RACK1: variants seen among roughly 807,000 people sequenced by gnomAD.
The protein encoded by RACK1 is small ribosomal subunit protein RACK1.
RACK1 carries 3 observed loss-of-function variants against 42.2 expected under a neutral mutation model. The ratio of observed to expected loss-of-function variants is 0.07; its 90% CI spans 0.03 to 0.18. The LOEUF is 0.18. RACK1 is among the 10% of genes least tolerant of loss of function. RACK1 has a pLI of 1.00. For missense variants in RACK1, 146 were observed against 403.2 expected, an observed-to-expected ratio of 0.36 and a Z score of 5.46; for synonymous variants, 181 against 154.8, an observed-to-expected ratio of 1.17 and a Z score of -1.25.
At chr5:181,238,902 T>C (rs1375008637) in intron 5 of RACK1, 165 bp downstream of exon 5, 1 of 706,738 alleles carries the variant, frequency 1.4e-6, no homozygotes, top group Non-Finnish European at 2.6e-6. Flanking sequence ...AACTGTCATT[T>C]GCTGAAAGTA....
chr5:181,243,586 A>G (rs1346923754), intron 1 of RACK1, 106 bp downstream of exon 1: 1 of 1,449,688 alleles, frequency 6.9e-7, no homozygotes, highest in Non-Finnish European at 9.3e-7. Context: ...GTCCCCGCCA[A>G]CTCGCGCGCC....
At position 181,241,935 on chromosome 5, in the gene RACK1, C is replaced by A. The variant is rs1554104743; in HGVS notation, c.281+239G>T. ...AATTACCTGAGCTTTCAAGGTAAAA[C>A]ATGTTCAAACTGCTGCCCACTCAGA... On this transcript the variant is annotated intron_variant, in intron 2 of 7. Coordinates refer to ENST00000512805, the MANE Select transcript of RACK1 (RefSeq NM_006098.5). The A allele has an allele frequency of 7.8e-6, 6 of 767,320 alleles. No homozygotes were observed. In the South Asian group the frequency reaches 8.1e-5, roughly 10 times the overall value. 47.5% of individuals were successfully genotyped at this position (767,320 alleles called of 1,614,324 possible). A position where few individuals can be genotyped will look rare whatever the true frequency, so the allele number is the denominator to read the frequency against.
At chr5:181,241,789 G>GA (rs762432305) in intron 2 of RACK1, 150 bp from the exon 3 acceptor site, 23 of 867,752 alleles carry the variant, frequency 2.7e-5, no homozygotes, top group South Asian at 1.7e-4. Context: ...CTGAGTATAT[G>GA]AAAGAGAAGA....
At position 181,237,666 on chromosome 5, in the gene RACK1, G is replaced by A. The variant is rs1759191760; in HGVS notation, c.831C>T (p.Thr277=). 6.2e-7 allele frequency: 1 copy of A among 1,613,072 alleles called. No individual in the cohort carries two copies. Among genetic ancestry groups the A allele is most frequent in the Non-Finnish European group, 8.5e-7 (1 of 1,179,022 alleles). ...ACTGGGGTGGTTCTGCCTTGCTGCTGGTACTGATAACTTCTTGCTTCAGTT... is the reference window on the plus strand; with the variant it reads ...ACTGGGGTGGTTCTGCCTTGCTGCTAGTACTGATAACTTCTTGCTTCAGTT... The part of the protein sequence containing the change: ...VDELKQEVIS[T]SSKAEPPQCT... The change falls in exon 7 of 8, where the codon ACC becomes ACT. Residue 277 remains threonine, a synonymous_variant. Coordinates refer to ENST00000512805, the MANE Select transcript of RACK1 (RefSeq NM_006098.5).
chr5:181,238,813 AAAC>A, intron 5 of RACK1: 2 of 454,448 alleles, frequency 4.4e-6, no homozygotes, highest in Non-Finnish European at 3.9e-6. Flanking sequence ...AAAAAACAAA[AAAC>A]AAACAAACAA....
Position 181,243,903 on chromosome 5 carries a change from A to G in RACK1, c.-103T>C. 1 of 1,449,814 alleles carries G rather than the reference A, an allele frequency of 6.9e-7. No homozygotes were observed. Among genetic ancestry groups the G allele is most frequent in the African/African-American group, 1.4e-5 (1 of 69,628 alleles). The allele number at this position is 1,449,814 out of a possible 1,614,324, so 89.8% of individuals were successfully genotyped here. A position where few individuals can be genotyped will look rare whatever the true frequency, so the allele number is the denominator to read the frequency against. On this transcript the variant is annotated 5_prime_UTR_variant, in exon 1 of 8. Transcript: ENST00000512805. ...TCCTGCCGCCGCCTTGCAGTGAAAG[A>G]GAGAGAGAAAAGCCCCCCGCCGGAA... is the stretch of plus-strand genomic sequence containing the variant.
chr5:181,237,119 T>C (rs924278605), intron 7 of RACK1, 77 bp from the exon 8 acceptor site: 2 of 1,594,722 alleles, frequency 1.3e-6, no homozygotes, highest in Non-Finnish European at 1.7e-6. Flanking sequence ...CCAAGTGGCT[T>C]TTTTTGAGAT....
At chr5:181,238,440 C>A in intron 5 of RACK1, 1 of 553,222 alleles carries the variant, frequency 1.8e-6, no homozygotes, top group East Asian at 3.1e-5. Flanking sequence ...TCAAAAAACC[C>A]CTCCCAACTT....
chr5:181,238,843 A>G lies in RACK1; in HGVS notation c.636+224T>C, dbSNP rs78926976. ...AACAAACAAAAAAACAACAAAAAAA[A>G]CCCACAGGCTTATAGAAAATCATCT... On this transcript the variant is annotated intron_variant, in intron 5 of 7. Coordinates refer to ENST00000512805, the MANE Select transcript of RACK1 (RefSeq NM_006098.5). 4.1e-3 allele frequency: 2,304 copies of G among 555,250 alleles called. 38 individuals are homozygous for G. Among genetic ancestry groups the G allele is most frequent in the African/African-American group, 0.038 (1,997 of 52,308 alleles). The allele number at this position is 555,250 out of a possible 1,614,324, so 34.4% of individuals were successfully genotyped here.
chr5:181,237,910 A>G lies in RACK1; in HGVS notation c.777+189T>C, dbSNP rs999502515. On this transcript the variant is annotated intron_variant, in intron 6 of 7. Transcript: ENST00000512805. Reference sequence around the variant, plus strand: ...TACTGACATCTAGTAGAAGCTGGAAATGCTGCTAAACATCCTGGAATGTAC... The same window carrying G: ...TACTGACATCTAGTAGAAGCTGGAAGTGCTGCTAAACATCCTGGAATGTAC... 2.5e-5 allele frequency: 17 copies of G among 671,892 alleles called. No homozygotes were observed. The South Asian group carries it at 2.7e-4, about 11-fold the overall frequency. 41.6% of individuals were successfully genotyped at this position (671,892 alleles called of 1,614,324 possible). A position where few individuals can be genotyped will look rare whatever the true frequency, so the allele number is the denominator to read the frequency against.
At chr5:181,238,832 C>A (rs2893334) in intron 5 of RACK1, 23 of 385,792 alleles carry the variant, frequency 6.0e-5, no homozygotes, top group East Asian at 3.0e-4. Flanking sequence ...AACAAAAAAA[C>A]AACAAAAAAA....
chr5:181,243,477 T>C lies in RACK1; in HGVS notation c.109+215A>G, dbSNP rs1450011077. On this transcript the variant is annotated intron_variant, in intron 1 of 7. Coordinates refer to ENST00000512805, the MANE Select transcript of RACK1 (RefSeq NM_006098.5). The stretch of plus-strand genomic sequence containing the variant: ...AACCCTCCTAGCAGCTGCGAGCTGA[T>C]GTACACGTAGGTTCTCATCTGCAAT... The C allele has an allele frequency of 7.5e-6, 11 of 1,469,828 alleles. No individual in the cohort carries two copies. The Admixed American group carries it at 8.9e-5, about 12-fold the overall frequency. 91.0% of individuals were successfully genotyped at this position (1,469,828 alleles called of 1,614,324 possible).
At position 181,239,577 on chromosome 5, in the gene RACK1, C is replaced by T. The variant is rs1561679873; in HGVS notation, c.435G>A (p.Glu145=). The change falls in exon 4 of 8, where the codon GAG becomes GAA. Residue 145 remains glutamate, a synonymous_variant. Transcript: ENST00000512805. ...CACAAGACACCCACTCTGAGTGGCTCTCATCCTACAGAAGATGGAAAGGAA... is the reference window on the plus strand; with the variant it reads ...CACAAGACACCCACTCTGAGTGGCTTTCATCCTACAGAAGATGGAAAGGAA... ...LGVCKYTVQD[E]SHSEWVSCVR... is the part of the protein sequence containing the mutation. 2 of 1,609,576 alleles carry T rather than the reference C, an allele frequency of 1.2e-6. No individual in the cohort carries two copies. The highest frequency in any genetic ancestry group is 1.7e-5 in the Admixed American group (1 of 59,976).
chr5:181,239,744 A>C (rs988136560), intron 3 of RACK1, among the ~76,000 whole-genome samples, 162 bp from the exon 4 acceptor site: 4 of 152,216 alleles, frequency 2.6e-5, no homozygotes, highest in Non-Finnish European at 5.9e-5. Context: ...CCAGACAAGA[A>C]AATTTTTTAA....
chr5:181,238,736 T>C (rs1048128625), intron 5 of RACK1: 7 of 372,808 alleles, frequency 1.9e-5, no homozygotes, highest in Middle Eastern at 9.3e-4. Flanking sequence ...CGGGAGATGG[T>C]TGCAGTGAGC....
chr5:181,237,848 T>G (rs1759197918), intron 6 of RACK1, 129 bp from the exon 7 acceptor site: 1 of 674,336 alleles, frequency 1.5e-6, no homozygotes, highest in Admixed American at 2.5e-5. Flanking sequence ...AATGCCTACA[T>G]GCATTTTCAG....
intron 3 of RACK1, 85 bp downstream of exon 3, chr5:181,241,407 G>A: frequency 8.0e-7 from 1 of 1,248,976 alleles, no homozygotes; most frequent in Admixed American, 2.1e-5. Flanking sequence ...TCCAGCTTGG[G>A]CAAGAGTGAG....
At position 181,242,320 on chromosome 5, in the gene RACK1, C is replaced by T. The variant is rs1415949526; in HGVS notation, c.135G>A (p.Leu45=). 6.2e-7 allele frequency: 1 copy of T among 1,613,236 alleles called. No homozygotes were observed. The highest frequency in any genetic ancestry group is 8.5e-7 in the Non-Finnish European group (1 of 1,179,598). Residue 45 remains leucine, a synonymous_variant, in exon 2 of 8, where the codon CTG becomes CTA. Transcript: ENST00000512805. The part of the protein sequence containing the change: ...SRDKTIIMWK[L]TRDETNYGIP... ...TTCCATAGTTGGTCTCATCCCTGGT[C>T]AGTTTCCACATGATGATGGTCTTAT...
intron 5 of RACK1, 189 bp from the exon 6 acceptor site, chr5:181,238,428 C>A: frequency 3.5e-6 from 2 of 575,008 alleles, no homozygotes; most frequent in Non-Finnish European, 3.0e-6. Context: ...TTACCAACCC[C>A]ATCAAAAAAC....
Sources: gnomAD v4.1 joint callset for allele counts (sites outside exome capture counted in the v4.1 genomes callset) on GRCh38, gnomAD v4.1.1 for gene constraint, MANE v1.5 for transcripts, NCBI Gene and HGNC (gene_info 2026-07-23, HGNC 2026-07-21) for gene names.